The following MAN1A1 variants were observed in gnomAD, a reference collection of about 807,000 sequenced individuals.
MAN1A1 encodes the protein mannosidase alpha class 1A member 1, also known as mannosyl-oligosaccharide 1,2-alpha-mannosidase IA.
MAN1A1 carries 29 observed loss-of-function variants against 70.8 expected under a neutral mutation model. The observed-to-expected ratio is 0.41, with a 90% CI of 0.31 to 0.56. The LOEUF (loss-of-function observed/expected upper bound fraction) is 0.56, where lower values mean the gene tolerates loss of function less well. Ranked by LOEUF, MAN1A1 falls within the 20% of genes least tolerant of loss-of-function variation. MAN1A1 has a pLI of 0.29. For missense variants in MAN1A1, 747 were observed against 841.3 expected (o/e 0.89, Z 1.39); for synonymous variants, 349 against 330.1 (o/e 1.06, Z -0.62).
At chr6:119,325,630 G>A (rs1198122544) in intron 2 of MAN1A1, among the ~76,000 whole-genome samples, 1 of 152,126 alleles carries the variant, frequency 6.6e-6, no homozygotes, top group Non-Finnish European at 1.5e-5. Flanking sequence ...GCACCCCAAC[G>A]TGACAGAACA....
chr6:119,180,575 C>T (rs1441271635), intron 11 of MAN1A1, 148 bp from the exon 12 acceptor site: 7 of 556,606 alleles, frequency 1.3e-5, no homozygotes, highest in Non-Finnish European at 2.2e-5. Context: ...TACAGTGGCA[C>T]CATCATGGGT....
chr6:119,349,768 A>G (rs1277086132), upstream of MAN1A1: 8 of 916,864 alleles, frequency 8.7e-6, no homozygotes, highest in African/African-American at 1.8e-5. Flanking sequence ...CACTAATCTC[A>G]CTGCCGGTCT....
At chr6:119,307,351 C>G (rs555566928) in intron 2 of MAN1A1, among the ~76,000 whole-genome samples, 1 of 152,286 alleles carries the variant, frequency 6.6e-6, no homozygotes, top group Non-Finnish European at 1.5e-5. Context: ...CAGATTAAAT[C>G]TGCAAAGACT....
chr6:119,190,746 T>C (rs573725989), intron 9 of MAN1A1, among the ~76,000 whole-genome samples: 36 of 152,342 alleles, frequency 2.4e-4, no homozygotes, highest in African/African-American at 8.4e-4. Flanking sequence ...TTATAAAACA[T>C]CTTTTATTTC....
intron 5 of MAN1A1, among the ~76,000 whole-genome samples, chr6:119,274,559 AAAT>A (rs1383151823): frequency 2.6e-5 from 4 of 152,226 alleles, no homozygotes; most frequent in African/African-American, 7.2e-5. Flanking sequence ...TGAAAATTGA[AAAT>A]AATATTTTTT....
At chr6:119,188,282 G>C in intron 11 of MAN1A1, 123 bp downstream of exon 11, 2 of 890,578 alleles carry the variant, frequency 2.2e-6, no homozygotes, top group Non-Finnish European at 3.4e-6. Flanking sequence ...AGTCCTGGGT[G>C]GAAAAAATCC....
chr6:119,180,822 T>C (rs1299425451), intron 11 of MAN1A1, among the ~76,000 whole-genome samples: 4 of 152,200 alleles, frequency 2.6e-5, no homozygotes, highest in African/African-American at 9.6e-5. Flanking sequence ...TCAAAATTTA[T>C]TTTTTACAAA....
intron 8 of MAN1A1, among the ~76,000 whole-genome samples, chr6:119,196,186 C>T (rs1367821159): frequency 1.3e-5 from 2 of 151,846 alleles, no homozygotes; most frequent in Non-Finnish European, 2.9e-5. Context: ...TTCTAATAGA[C>T]GGAAGAAGCA....
At position 119,271,557 on chromosome 6, in the gene MAN1A1, T is replaced by C. The variant is rs568015500; in HGVS notation, c.897+19126A>G. 9.9e-5 allele frequency among the ~76,000 whole-genome samples: 15 copies of C among 152,206 alleles called. No homozygotes were observed. In the South Asian group the frequency reaches 1.7e-3, roughly 17 times the overall value. ...CTCTGTTGCCCAGGCTGGAGTGCAG[T>C]GGCGTGATCTCAGCTCACTGCAACC... On this transcript the variant is annotated intron_variant, in intron 5 of 12. Transcript: ENST00000368468.
At chr6:119,263,005 T>A (rs1214626881) in intron 5 of MAN1A1, among the ~76,000 whole-genome samples, 1 of 152,130 alleles carries the variant, frequency 6.6e-6, no homozygotes, top group Non-Finnish European at 1.5e-5. Flanking sequence ...CAGAAAAACG[T>A]GAAAAGGAGA....
At chr6:119,270,913 T>C (rs577289006) in intron 5 of MAN1A1, among the ~76,000 whole-genome samples, 11 of 152,330 alleles carry the variant, frequency 7.2e-5, no homozygotes, top group African/African-American at 2.6e-4. Flanking sequence ...TTCCCAACTG[T>C]TTCTGTGAAT....
At chr6:119,214,281 G>A (rs544276152) in intron 6 of MAN1A1, among the ~76,000 whole-genome samples, 1 of 152,104 alleles carries the variant, frequency 6.6e-6, no homozygotes, top group East Asian at 1.9e-4. Context: ...CCTTTATAAA[G>A]TAAGAATAAT....
At chr6:119,324,392 G>A in intron 2 of MAN1A1, among the ~76,000 whole-genome samples, 1 of 152,180 alleles carries the variant, frequency 6.6e-6, no homozygotes, top group Admixed American at 6.5e-5. Context: ...GTCAGCAGTA[G>A]GCTATTGGTA....
intron 5 of MAN1A1, among the ~76,000 whole-genome samples, chr6:119,270,834 A>C (rs1775903044): frequency 6.6e-6 from 1 of 152,230 alleles, no homozygotes. Context: ...AATAGAATGC[A>C]ATCTGCGAAT....
chr6:119,319,918 C>T (rs577700195), intron 2 of MAN1A1, among the ~76,000 whole-genome samples: 10 of 151,960 alleles, frequency 6.6e-5, no homozygotes, highest in South Asian at 4.2e-4. Flanking sequence ...GATATGCTGT[C>T]GCAGTGGTTG....
At chr6:119,262,340 T>C (rs1775634150) in intron 5 of MAN1A1, among the ~76,000 whole-genome samples, 1 of 152,164 alleles carries the variant, frequency 6.6e-6, no homozygotes. Context: ...TATCTTATTT[T>C]ACGCAGTGAT....
chr6:119,332,490 A>AGGTGT (rs1773345895), intron 2 of MAN1A1, among the ~76,000 whole-genome samples: 1 of 152,194 alleles, frequency 6.6e-6, no homozygotes, highest in African/African-American at 2.4e-5. Flanking sequence ...TTATTCATAA[A>AGGTGT]CCAAAAATAC....
chr6:119,270,949 C>T (rs1187203494), intron 5 of MAN1A1, among the ~76,000 whole-genome samples: 14 of 152,168 alleles, frequency 9.2e-5, no homozygotes, highest in African/African-American at 1.9e-4. Context: ...TTTCCTTGAA[C>T]GACTTCTCTA....
intron 2 of MAN1A1, among the ~76,000 whole-genome samples, chr6:119,335,281 T>A (rs1163509840): frequency 1.3e-5 from 2 of 152,232 alleles, no homozygotes; most frequent in African/African-American, 4.8e-5. Flanking sequence ...AAGTACATAC[T>A]ATGTATTGAA....
Sources: allele counts gnomAD v4.1 joint callset (sites outside exome capture counted in the v4.1 genomes callset), GRCh38; gene constraint gnomAD v4.1.1; transcripts MANE v1.5; gene names NCBI Gene and HGNC (gene_info 2026-07-23, HGNC 2026-07-21).